Variants in LMNB1 observed in about 807,000 individuals in gnomAD.
LMNB1 encodes the protein lamin-B1.
LMNB1 carries 23 observed loss-of-function variants against 67.1 expected under a neutral mutation model. That is an observed-to-expected ratio of 0.34 (90% CI 0.25 to 0.49). The LOEUF is 0.49. Among genes scored for constraint, LMNB1 ranks in the 20% least tolerant of loss-of-function variants. The pLI is 0.99. For synonymous variants in LMNB1, 281 were observed against 282.9 expected (o/e 0.99, Z 0.07); for missense variants, 634 against 746.5 (o/e 0.85, Z 1.76).
chr5:126,798,784 T>TGTGTGC (rs201855609), intron 1 of LMNB1, among the ~76,000 whole-genome samples: 24 of 151,654 alleles, frequency 1.6e-4, no homozygotes, highest in African/African-American at 3.9e-4. Context: ...TGTGTGTGTG[T>TGTGTGC]GCGTGTGCTT....
chr5:126,819,162 C>T lies in LMNB1; in HGVS notation c.1160+20C>T, dbSNP rs780849341. The T allele has an allele frequency of 1.3e-6, 2 of 1,568,900 alleles. No individual in the cohort carries two copies. Among genetic ancestry groups the T allele is most frequent in the South Asian group, 2.3e-5 (2 of 88,872 alleles). ...AGAGAGGTAAGGAACTTAAGGGTCACCCTACCTTATGGTCCACTTTTTGCC... is the reference window on the plus strand; with the variant it reads ...AGAGAGGTAAGGAACTTAAGGGTCATCCTACCTTATGGTCCACTTTTTGCC... On this transcript the variant is annotated intron_variant, in intron 6 of 10. Transcript: ENST00000261366.
At chr5:126,796,031 C>G (rs555509653) in intron 1 of LMNB1, among the ~76,000 whole-genome samples, 1 of 150,120 alleles carries the variant, frequency 6.7e-6, no homozygotes, top group Non-Finnish European at 1.5e-5. Context: ...CTCCCAGGTT[C>G]AAGCAATTCT....
chr5:126,828,583 T>C (rs921540698), intron 9 of LMNB1, among the ~76,000 whole-genome samples: 6 of 151,562 alleles, frequency 4.0e-5, no homozygotes. Flanking sequence ...TCCATTCTTT[T>C]TTTTTTTTTT....
chr5:126,802,909 G>A (rs1427237682), intron 1 of LMNB1, among the ~76,000 whole-genome samples: 1 of 152,100 alleles, frequency 6.6e-6, no homozygotes, highest in African/African-American at 2.4e-5. Context: ...TAGAGGCCGG[G>A]TGCAGCAGCT....
chr5:126,821,337 G>T (rs891353636), intron 7 of LMNB1, among the ~76,000 whole-genome samples: 15 of 152,178 alleles, frequency 9.9e-5, no homozygotes, highest in Admixed American at 9.2e-4. Context: ...GTAGTTTAAA[G>T]ATTTGCTTCA....
At chr5:126,814,430 G>A (rs1459920797) in intron 5 of LMNB1, among the ~76,000 whole-genome samples, 1 of 152,112 alleles carries the variant, frequency 6.6e-6, no homozygotes, top group Non-Finnish European at 1.5e-5. Context: ...CTTTGGATGA[G>A]GAGACTGTTA....
intron 1 of LMNB1, among the ~76,000 whole-genome samples, chr5:126,779,598 A>T (rs760172131): frequency 4.6e-4 from 70 of 152,198 alleles, no homozygotes; most frequent in Non-Finnish European, 4.8e-4. Flanking sequence ...GGTTTCATAG[A>T]TATTAAAATG....
chr5:126,800,856 T>G (rs1751255532), intron 1 of LMNB1, among the ~76,000 whole-genome samples: 1 of 142,174 alleles, frequency 7.0e-6, no homozygotes. Flanking sequence ...TTCTCCATGT[T>G]GGTCAGGCTG....
intron 4 of LMNB1, among the ~76,000 whole-genome samples, chr5:126,810,752 A>G (rs910984004): frequency 1.3e-5 from 2 of 152,340 alleles, no homozygotes; most frequent in Admixed American, 1.3e-4. Flanking sequence ...TCATGTCATC[A>G]TTGTGCATAG....
At chr5:126,832,611 C>A in intron 9 of LMNB1, 83 bp from the exon 10 acceptor site, 1 of 973,788 alleles carries the variant, frequency 1.0e-6, no homozygotes, top group Non-Finnish European at 1.6e-6. Flanking sequence ...GAAATGCTGT[C>A]TCTTAAGCAA....
At chr5:126,806,257 T>C (rs1214244647) in intron 3 of LMNB1, among the ~76,000 whole-genome samples, 1 of 152,218 alleles carries the variant, frequency 6.6e-6, no homozygotes, top group Non-Finnish European at 1.5e-5. Flanking sequence ...CCGGCCTCAC[T>C]TCATCTTAAC....
chr5:126,802,889 A>T (rs981151413), intron 1 of LMNB1, among the ~76,000 whole-genome samples: 4 of 152,206 alleles, frequency 2.6e-5, no homozygotes, highest in African/African-American at 9.6e-5. Flanking sequence ...TTTAAAAAAA[A>T]GTGGTTATTT....
intron 1 of LMNB1, among the ~76,000 whole-genome samples, chr5:126,781,300 T>G (rs1374491556): frequency 6.6e-6 from 1 of 152,074 alleles, no homozygotes; most frequent in Non-Finnish European, 1.5e-5. Context: ...TCTTCATATT[T>G]TGTTGAAGAA....
intron 5 of LMNB1, among the ~76,000 whole-genome samples, chr5:126,816,348 C>T (rs1391163526): frequency 2.0e-5 from 3 of 151,888 alleles, no homozygotes; most frequent in East Asian, 3.9e-4. Context: ...TTTGTGTGTG[C>T]GTGTGAACCA....
At position 126,777,842 on chromosome 5, in the gene LMNB1, GCGGAACACGACCAGCTGCT is replaced by G; in HGVS notation, c.336_354del (p.Glu113SerfsTer24). The G allele has an allele frequency of 6.9e-7, 1 of 1,450,592 alleles. No individual in the cohort carries two copies. Among genetic ancestry groups the G allele is most frequent in the Non-Finnish European group, 9.1e-7 (1 of 1,099,606 alleles). The allele number at this position is 1,450,592 out of a possible 1,614,324, so 89.9% of individuals were successfully genotyped here. ...GCAGATCGAGCTGGGCAAGTGCAAG[GCGGAACACGACCAGCTGCT>G]CCTCAAGTGAGTGCTAGCTGGCGGC... On this transcript the variant is annotated frameshift_variant, in exon 1 of 11. Transcript: ENST00000261366. LOFTEE classifies it high-confidence loss of function.
At chr5:126,806,248 C>T (rs548199971) in intron 3 of LMNB1, among the ~76,000 whole-genome samples, 8 of 152,316 alleles carry the variant, frequency 5.3e-5, no homozygotes, top group East Asian at 1.9e-4. Context: ...CCACCACATC[C>T]GGCCTCACTT....
Position 126,811,814 on chromosome 5 carries a change from T to C in LMNB1, c.855T>C (p.Thr285=). The C allele has an allele frequency of 6.8e-6, 11 of 1,612,560 alleles. No homozygotes were observed. Among genetic ancestry groups the C allele is most frequent in the Non-Finnish European group, 9.3e-6 (11 of 1,178,672 alleles). ...TGTCATCAGAGATGAATACTTCTAC[T>C]GTCAACAGTGCCAGGGAAGAACTGA... The part of the protein sequence containing the change: ...ARLSSEMNTS[T]VNSAREELME... The change falls in exon 5 of 11, where the codon ACT becomes ACC. Residue 285 remains threonine (T), a synonymous_variant. Transcript: ENST00000261366.
chr5:126,787,546 A>ATATATTTTT, intron 1 of LMNB1, among the ~76,000 whole-genome samples: 1 of 65,580 alleles, frequency 1.5e-5, no homozygotes, highest in Non-Finnish European at 2.7e-5. Context: ...ATATATATAT[A>ATATATTTTT]TTTTTTTTTT....
At chr5:126,789,816 G>C (rs1402075390) in intron 1 of LMNB1, among the ~76,000 whole-genome samples, 6 of 152,082 alleles carry the variant, frequency 3.9e-5, no homozygotes, top group African/African-American at 1.4e-4. Context: ...TGGGACTACA[G>C]GCACCTACCA....
Sources: allele counts gnomAD v4.1 joint callset (sites outside exome capture counted in the v4.1 genomes callset), GRCh38; gene constraint gnomAD v4.1.1; transcripts MANE v1.5; gene names NCBI Gene and HGNC (gene_info 2026-07-23, HGNC 2026-07-21).